Variants in UNC5A observed in about 807,000 individuals in gnomAD.
UNC5A encodes the protein unc-5 netrin receptor A.
Under a neutral mutation model 87.4 loss-of-function variants are expected in UNC5A, and 20 were observed. That is an observed-to-expected ratio of 0.23 (90% confidence interval 0.16 to 0.33). The LOEUF is 0.33. Among genes scored for constraint, UNC5A ranks in the 10% least tolerant of loss-of-function variants. UNC5A has a pLI of 1.00. For synonymous variants in UNC5A, 438 were observed against 482.3 expected (o/e 0.91, Z 1.20); for missense variants, 844 against 1,133.4 (o/e 0.74, Z 3.67).
rs555876106 is a variant in UNC5A, at chr5:176,865,555, C to T, written c.293-2575C>T. On this transcript the variant is annotated intron_variant, in intron 2 of 14. Transcript: ENST00000329542. The surrounding 1 kb of genome is among the most constrained non-coding windows in gnomAD (Gnocchi z 5.3). The stretch of plus-strand genomic sequence containing the variant: ...GCATCCGACTCCAGCCTCCCATGGC[C>T]GGAACATCTGAACGTTCATTGATCT... 7 of 456,380 alleles carry T rather than the reference C, an allele frequency of 1.5e-5. No individual in the cohort carries two copies. The highest frequency in any genetic ancestry group is 7.7e-5 in the South Asian group (5 of 64,540). The allele number at this position is 456,380 out of a possible 1,614,324, so 28.3% of individuals were successfully genotyped here.
chr5:176,812,817 G>C (rs1053676539), intron 1 of UNC5A, among the ~76,000 whole-genome samples: 42 of 152,264 alleles, frequency 2.8e-4, no homozygotes, highest in African/African-American at 1.0e-3. Context: ...GGGAGGGGCT[G>C]GCCCTACTTC....
At chr5:176,868,338 A>G (rs1758024387) in intron 3 of UNC5A, 65 bp downstream of exon 3, 2 of 1,598,766 alleles carry the variant, frequency 1.3e-6, no homozygotes, top group Non-Finnish European at 1.7e-6. Flanking sequence ...GAGAGGGGAC[A>G]GTAGGCTTCC....
chr5:176,860,251 G>A (rs1445039331), intron 1 of UNC5A, among the ~76,000 whole-genome samples: 1 of 152,224 alleles, frequency 6.6e-6, no homozygotes, highest in Non-Finnish European at 1.5e-5. Flanking sequence ...CACCTGCAGG[G>A]CTTGCTCTGG....
At chr5:176,821,005 C>G (rs748736173) in intron 1 of UNC5A, among the ~76,000 whole-genome samples, 36 of 152,128 alleles carry the variant, frequency 2.4e-4, no homozygotes, top group Non-Finnish European at 4.7e-4. Flanking sequence ...TTCAAAGAAC[C>G]CTAAGTGATA....
chr5:176,855,379 G>A (rs73804248), intron 1 of UNC5A, among the ~76,000 whole-genome samples: 5,303 of 152,268 alleles, frequency 0.035, 290 homozygotes, highest in African/African-American at 0.12. Flanking sequence ...TGGACGGGGC[G>A]GCCTGCAAGT....
At chr5:176,832,341 A>C (rs1484452101) in intron 1 of UNC5A, among the ~76,000 whole-genome samples, 1 of 152,146 alleles carries the variant, frequency 6.6e-6, no homozygotes, top group Non-Finnish European at 1.5e-5. Context: ...GTGAGGACTT[A>C]ATGGGGTGAC....
intron 8 of UNC5A, among the ~76,000 whole-genome samples, chr5:176,876,536 A>G (rs1264123195): frequency 6.6e-6 from 1 of 151,900 alleles, no homozygotes; most frequent in Non-Finnish European, 1.5e-5. Context: ...TCCCTGTTGA[A>G]CCACTCCCCT....
intron 1 of UNC5A, among the ~76,000 whole-genome samples, chr5:176,836,788 T>C (rs1757156680): frequency 6.6e-6 from 1 of 152,162 alleles, no homozygotes; most frequent in Admixed American, 6.5e-5. Context: ...CCTGCTGCAC[T>C]CAGCAGGGAA....
At chr5:176,828,184 C>T (rs535956475) in intron 1 of UNC5A, among the ~76,000 whole-genome samples, 5 of 152,194 alleles carry the variant, frequency 3.3e-5, no homozygotes, top group Admixed American at 1.3e-4. Context: ...ACAAACAATG[C>T]GGCAGGCTGG....
At chr5:176,837,878 G>T (rs1431127517) in intron 1 of UNC5A, among the ~76,000 whole-genome samples, 1 of 152,122 alleles carries the variant, frequency 6.6e-6, no homozygotes, top group Non-Finnish European at 1.5e-5. Flanking sequence ...CTGTCCCTCT[G>T]CGGACTCGGC....
Position 176,868,962 on chromosome 5 carries a change from A to G in UNC5A, c.719A>G (p.Tyr240Cys), listed in dbSNP as rs1054942042. The G allele has an allele frequency of 6.3e-7, 1 of 1,599,914 alleles. No individual in the cohort carries two copies. The highest frequency in any genetic ancestry group is 8.5e-7 in the Non-Finnish European group (1 of 1,171,836). Residue 240 changes from tyrosine (Y) to cysteine (C), a missense_variant and splice_region_variant, in exon 5 of 15, where the codon TAC becomes TGC. By Grantham distance (194) the Tyr-to-Cys change is radical. Coordinates refer to ENST00000329542, the MANE Select transcript of UNC5A (RefSeq NM_133369.3). ...RRSASAAVIV[Y>C]VDGSWSPWSK... ...AGCGCCTCCGCTGCTGTCATCGTCT[A>G]CGGTGGGCCCCGGGACTCCCTGGTC...
chr5:176,877,911 C>G lies in UNC5A; in HGVS notation c.1653C>G (p.Gly551=). ...GCCCACAGGATGTGCTGCACCTGGGCGAGGAGGCGCCCTCCCACCTCTACT... is the reference window on the plus strand; with the variant it reads ...GCCCACAGGATGTGCTGCACCTGGGGGAGGAGGCGCCCTCCCACCTCTACT... ...EGSWEDVLHL[G]EEAPSHLYYC... The change falls in exon 11 of 15, where the codon GGC becomes GGG. Residue 551 remains glycine (G), a synonymous_variant. Transcript: ENST00000329542. 6.2e-7 allele frequency: 1 copy of G among 1,601,690 alleles called. No individual in the cohort carries two copies.
Position 176,838,752 on chromosome 5 carries a change from T to C in UNC5A, c.71-23872T>C, listed in dbSNP as rs1182072660. 1.3e-5 allele frequency among the ~76,000 whole-genome samples: 2 copies of C among 152,168 alleles called. No homozygotes were observed. The highest frequency in any genetic ancestry group is 4.1e-4 in the South Asian group (2 of 4,828). ...GCCCTCACATCCTCACCCCACACCT[T>C]CCAGGGGAAAGATGCCTCCTCTCTT... On this transcript the variant is annotated intron_variant, in intron 1 of 14. Coordinates refer to ENST00000329542, the MANE Select transcript of UNC5A (RefSeq NM_133369.3). The surrounding 1 kb of genome is among the most constrained non-coding windows in gnomAD (Gnocchi z 4.2).
rs1161184602 is a variant in UNC5A at position 176,810,991 on chromosome 5, C to G, written c.70+171C>G. ...TCTTCTTGCTGCTGCGCAGCTTCCC[C>G]GCGCGCTCTCCCGGAAGCCTGGGTT... On this transcript the variant is annotated intron_variant, in intron 1 of 14. Transcript: ENST00000329542. The surrounding 1 kb of genome is among the most constrained non-coding windows in gnomAD (Gnocchi z 7.3). Among the ~76,000 whole-genome samples the G allele has an allele frequency of 6.6e-6, 1 of 152,070 alleles. No homozygotes were observed. The highest frequency in any genetic ancestry group is 1.5e-5 in the Non-Finnish European group (1 of 67,994).
intron 10 of UNC5A, 36 bp downstream of exon 10, chr5:176,877,739 CG>C: frequency 6.4e-7 from 1 of 1,559,922 alleles, no homozygotes; most frequent in Non-Finnish European, 8.7e-7. Context: ...CAGAAGGGAA[CG>C]TGGGCTAACT....
At position 176,868,121 on chromosome 5, in the gene UNC5A, C is replaced by G. The variant is rs761286091; in HGVS notation, c.293-9C>G. 6.2e-7 allele frequency: 1 copy of G among 1,610,014 alleles called. No homozygotes were observed. The highest frequency in any genetic ancestry group is 2.2e-5 in the East Asian group (1 of 44,774). ...TGGGGCTCTGACTACCTGCCCCTCCCGCCCCCAGGGCTGCCCACCATGGAG... is the reference window on the plus strand; with the variant it reads ...TGGGGCTCTGACTACCTGCCCCTCCGGCCCCCAGGGCTGCCCACCATGGAG... On this transcript the variant is annotated splice_polypyrimidine_tract_variant and intron_variant, in intron 2 of 14. Coordinates refer to ENST00000329542, the MANE Select transcript of UNC5A (RefSeq NM_133369.3).
rs927077238 is a variant in UNC5A, at chr5:176,844,969, C to T, written c.71-17655C>T. ...GGAAAAGCCCCACCTTATCAGAGGG[C>T]GGTGGTCTTGCCCTCCCCTGAGAGT... On this transcript the variant is annotated intron_variant, in intron 1 of 14. Coordinates refer to ENST00000329542, the MANE Select transcript of UNC5A (RefSeq NM_133369.3). This position sits in a 1 kb window ranked among gnomAD's most constrained non-coding sequence, Gnocchi z 4.2. Among the ~76,000 whole-genome samples, 3 of 152,188 alleles carry T rather than the reference C, an allele frequency of 2.0e-5. No individual in the cohort carries two copies. Among genetic ancestry groups the T allele is most frequent in the Non-Finnish European group, 2.9e-5 (2 of 68,020 alleles).
chr5:176,863,654 C>T (rs1372024974), intron 2 of UNC5A, among the ~76,000 whole-genome samples: 1 of 151,708 alleles, frequency 6.6e-6, no homozygotes, highest in Admixed American at 6.6e-5. Flanking sequence ...GTCTGGGTTC[C>T]GCAACTCCCC....
chr5:176,827,285 C>T (rs1317831600), intron 1 of UNC5A, among the ~76,000 whole-genome samples: 3 of 147,726 alleles, frequency 2.0e-5, no homozygotes, highest in Middle Eastern at 3.5e-3. Context: ...CAGGTTCAAG[C>T]GATTCTCCTG....
Sources: gnomAD v4.1 joint callset for allele counts (sites outside exome capture counted in the v4.1 genomes callset) on GRCh38, gnomAD v4.1.1 for gene constraint, Gnocchi (gnomAD v3.1) non-coding constraint, MANE v1.5 for transcripts, NCBI Gene and HGNC (gene_info 2026-07-23, HGNC 2026-07-21) for gene names.